Variants in KLF9 observed in about 807,000 individuals in gnomAD.
The protein encoded by KLF9 is KLF transcription factor 9.
KLF9 carries 2 observed loss-of-function variants against 17.3 expected under a neutral mutation model. That is an observed-to-expected ratio of 0.12 (90% confidence interval 0.05 to 0.36). The LOEUF is 0.36. KLF9 is among the 10% of genes least tolerant of loss of function. The probability of loss-of-function intolerance (pLI) is 1.00; values close to 1 mark genes in which losing one functional copy is unlikely to be tolerated. For synonymous variants in KLF9, 138 were observed against 139.2 expected, an observed-to-expected ratio of 0.99 and a Z score of 0.06; for missense variants, 226 against 333.2, an observed-to-expected ratio of 0.68 and a Z score of 2.51.
At chr9:70,398,081 C>T (rs11142395) in intron 1 of KLF9, among the ~76,000 whole-genome samples, 8 of 152,250 alleles carry the variant, frequency 5.3e-5, no homozygotes, top group South Asian at 2.1e-4. Flanking sequence ...ATGTTCTGAA[C>T]GAATAAAAAT....
chr9:70,410,525 G>C (rs751358026), intron 1 of KLF9, among the ~76,000 whole-genome samples: 54 of 152,198 alleles, frequency 3.5e-4, no homozygotes, highest in Non-Finnish European at 7.2e-4. Context: ...TCTAAAGCTG[G>C]TGTAGAAGTG....
rs1187078260 is a variant in KLF9 at position 70,414,131 on chromosome 9, G to A, written c.-768C>T. ...TCCGACTGTTCCGTTTCGCTGCCTC[G>A]TGCTACCCCTACAGCCTCGAACACT... On this transcript the variant is annotated 5_prime_UTR_variant, in exon 1 of 2. In the 5' UTR this introduces an upstream ATG that the reference lacks. Coordinates refer to ENST00000377126, the MANE Select transcript of KLF9 (RefSeq NM_001206.4). 2 of 152,192 alleles carry A rather than the reference G, an allele frequency of 1.3e-5. No homozygotes were observed. Among genetic ancestry groups the A allele is most frequent in the East Asian group, 3.9e-4 (2 of 5,186 alleles). The allele number at this position is 152,192 out of a possible 1,614,324, so 9.4% of individuals were successfully genotyped here.
intron 1 of KLF9, among the ~76,000 whole-genome samples, chr9:70,403,145 G>T (rs1263436304): frequency 6.6e-6 from 1 of 152,120 alleles, no homozygotes; most frequent in Non-Finnish European, 1.5e-5. Context: ...GCGAGACTTT[G>T]TCTCAAAAAA....
chr9:70,393,571 GA>G (rs369077319), intron 1 of KLF9, among the ~76,000 whole-genome samples: 60 of 152,216 alleles, frequency 3.9e-4, no homozygotes, highest in Middle Eastern at 3.4e-3. Context: ...CAAGTCCAGG[GA>G]TGGGTCTAAC....
Position 70,413,130 on chromosome 9 carries a change from G to A in KLF9, c.234C>T (p.Thr78=). The A allele has an allele frequency of 6.2e-7, 1 of 1,614,170 alleles. No individual in the cohort carries two copies. Among genetic ancestry groups the A allele is most frequent in the Non-Finnish European group, 8.5e-7 (1 of 1,180,036 alleles). ...CCAGACTGTCGCTGCACACGGAGGG[G>A]GTCTGGATGGGTCGGTACTTGTTCA... The part of the protein sequence containing the change: ...LDLNKYRPIQ[T]PSVCSDSLES... Residue 78 remains threonine, a synonymous_variant, in exon 1 of 2, where the codon ACC becomes ACT. Coordinates refer to ENST00000377126, the MANE Select transcript of KLF9 (RefSeq NM_001206.4). This position sits in a 1 kb window ranked among gnomAD's most constrained non-coding sequence, Gnocchi z 5.6.
chr9:70,413,389 G>T lies in KLF9; in HGVS notation c.-26C>A. The T allele has an allele frequency of 3.4e-6, 5 of 1,469,840 alleles. No homozygotes were observed. Among genetic ancestry groups the T allele is most frequent in the Non-Finnish European group, 4.5e-6 (5 of 1,112,778 alleles). 91.0% of individuals were successfully genotyped at this position (1,469,840 alleles called of 1,614,324 possible). A position where few individuals can be genotyped will look rare whatever the true frequency, so the allele number is the denominator to read the frequency against. ...GGTGCGGGCGACGGCAGCCCAGGCG[G>T]CGCGGACAAACTTGGCGGTGGCTGC... is the stretch of plus-strand genomic sequence containing the variant. On this transcript the variant is annotated 5_prime_UTR_variant, in exon 1 of 2. Coordinates refer to ENST00000377126, the MANE Select transcript of KLF9 (RefSeq NM_001206.4). The surrounding 1 kb of genome is among the most constrained non-coding windows in gnomAD (Gnocchi z 5.6).
intron 1 of KLF9, among the ~76,000 whole-genome samples, chr9:70,389,105 C>T (rs1343525654): frequency 6.6e-6 from 1 of 151,698 alleles, no homozygotes; most frequent in Non-Finnish European, 1.5e-5. Flanking sequence ...CATGCCACTG[C>T]ACTCTAGCCT....
chr9:70,400,268 G>A (rs1391418699), intron 1 of KLF9, among the ~76,000 whole-genome samples: 1 of 152,114 alleles, frequency 6.6e-6, no homozygotes, highest in East Asian at 1.9e-4. Flanking sequence ...ACAGTGCAAG[G>A]ATCTAACACC....
intron 1 of KLF9, among the ~76,000 whole-genome samples, chr9:70,390,657 ACT>A (rs142487683): frequency 9.2e-4 from 134 of 145,070 alleles, no homozygotes; most frequent in Non-Finnish European, 9.4e-4. Flanking sequence ...ACATACACAC[ACT>A]CTCTCTCTCT....
At chr9:70,402,558 A>G (rs1185195684) in intron 1 of KLF9, among the ~76,000 whole-genome samples, 1 of 152,114 alleles carries the variant, frequency 6.6e-6, no homozygotes, top group East Asian at 1.9e-4. Flanking sequence ...TTTGAAGTTC[A>G]CCCTGCTGCT....
At chr9:70,412,831 C>A in intron 1 of KLF9, 28 bp downstream of exon 1, 1 of 1,532,808 alleles carries the variant, frequency 6.5e-7, no homozygotes. Context: ...AACCCCAGAG[C>A]TCCGGGGGAG....
At chr9:70,410,922 AAC>A (rs1007712419) in intron 1 of KLF9, among the ~76,000 whole-genome samples, 2 of 152,174 alleles carry the variant, frequency 1.3e-5, no homozygotes, top group Non-Finnish European at 2.9e-5. Context: ...AGATCCCCAA[AAC>A]ATAGGCACCT....
At chr9:70,409,684 A>C (rs182102201) in intron 1 of KLF9, among the ~76,000 whole-genome samples, 1 of 152,298 alleles carries the variant, frequency 6.6e-6, no homozygotes, top group African/African-American at 2.4e-5. Flanking sequence ...GTACAAATAA[A>C]TACATCATAA....
Position 70,401,188 on chromosome 9 carries a change from A to T in KLF9, c.505+11671T>A, listed in dbSNP as rs865961733. On this transcript the variant is annotated intron_variant, in intron 1 of 1. Coordinates refer to ENST00000377126, the MANE Select transcript of KLF9 (RefSeq NM_001206.4). ...ATCTCCAAAAAAAAAAAAAAAAAAAAATTTTTTAAATTAGCTGGGCATGGT... is the reference window on the plus strand; with the variant it reads ...ATCTCCAAAAAAAAAAAAAAAAAAATATTTTTTAAATTAGCTGGGCATGGT... 3.8e-3 allele frequency among the ~76,000 whole-genome samples: 564 copies of T among 147,482 alleles called. 4 individuals carry two copies. The highest frequency in any genetic ancestry group is 0.012 in the African/African-American group (483 of 40,544).
At chr9:70,398,904 G>C (rs1283979143) in intron 1 of KLF9, among the ~76,000 whole-genome samples, 4 of 152,072 alleles carry the variant, frequency 2.6e-5, no homozygotes, top group Admixed American at 6.5e-5. Flanking sequence ...CGTGATCTTG[G>C]CTCACTGCAG....
intron 1 of KLF9, among the ~76,000 whole-genome samples, chr9:70,409,637 T>A (rs1001334609): frequency 1.3e-5 from 2 of 152,150 alleles, no homozygotes; most frequent in African/African-American, 2.4e-5. Flanking sequence ...TATTTTCATA[T>A]AAAATACTCT....
Position 70,413,089 on chromosome 9 carries a change from T to A in KLF9, c.275A>T (p.Asp92Val). The change falls in exon 1 of 2, where the codon GAT (aspartate) becomes GTT (valine). Residue 92 changes from aspartate to valine, a missense_variant. Coordinates refer to ENST00000377126, the MANE Select transcript of KLF9 (RefSeq NM_001206.4). This position sits in a 1 kb window ranked among gnomAD's most constrained non-coding sequence, Gnocchi z 5.6. The stretch of plus-strand genomic sequence containing the variant: ...GGTCACGTCGCTGTCGGATCCCATA[T>A]CCTCATCTGGACTTTCCAGACTGTC... Reference protein sequence around the residue: ...CSDSLESPDEDMGSDSDVTTE... With the variant: ...CSDSLESPDEVMGSDSDVTTE... 1 of 1,614,144 alleles carries A rather than the reference T, an allele frequency of 6.2e-7. No individual in the cohort carries two copies. Among genetic ancestry groups the A allele is most frequent in the Non-Finnish European group, 8.5e-7 (1 of 1,180,014 alleles).
chr9:70,409,178 A>ATGTT (rs1384836149), intron 1 of KLF9, among the ~76,000 whole-genome samples: 1 of 90,484 alleles, frequency 1.1e-5, no homozygotes, highest in African/African-American at 3.5e-5. Context: ...ATGTATATAT[A>ATGTT]TGTATACATA....
At chr9:70,397,319 A>G (rs2037187673) in intron 1 of KLF9, among the ~76,000 whole-genome samples, 1 of 151,930 alleles carries the variant, frequency 6.6e-6, no homozygotes, top group South Asian at 2.1e-4. Context: ...TACTAAAAAT[A>G]CAAAAATTAG....
Sources: gnomAD v4.1 joint callset for allele counts (sites outside exome capture counted in the v4.1 genomes callset) on GRCh38, gnomAD v4.1.1 for gene constraint, Gnocchi (gnomAD v3.1) non-coding constraint, MANE v1.5 for transcripts, NCBI Gene and HGNC (gene_info 2026-07-23, HGNC 2026-07-21) for gene names.